TMEM132D: variants seen among roughly 807,000 people sequenced by gnomAD.
TMEM132D encodes transmembrane protein 132D.
A neutral mutation model predicts 62.3 loss-of-function variants in TMEM132D; 21 were observed. The ratio of observed to expected loss-of-function variants is 0.34; its 90% confidence interval spans 0.24 to 0.49. The LOEUF (loss-of-function observed/expected upper bound fraction) is 0.49, where lower values mean the gene tolerates loss of function less well. Among genes scored for constraint, TMEM132D ranks in the 20% least tolerant of loss-of-function variants. The pLI is 0.99. For missense variants in TMEM132D, 1,346 were observed against 1,402.8 expected, an observed-to-expected ratio of 0.96 and a Z score of 0.65; for synonymous variants, 621 against 575.6, an observed-to-expected ratio of 1.08 and a Z score of -1.13.
chr12:129,095,119 G>A (rs1269130150), intron 5 of TMEM132D, among the ~76,000 whole-genome samples: 6 of 151,566 alleles, frequency 4.0e-5, no homozygotes, highest in African/African-American at 7.3e-5. Context: ...CCAACATGGC[G>A]CATGTATACA....
At chr12:129,269,169 T>C (rs1880783443) in intron 4 of TMEM132D, among the ~76,000 whole-genome samples, 1 of 152,140 alleles carries the variant, frequency 6.6e-6, no homozygotes. Context: ...TAAAGTATAA[T>C]AAATTTCTTC....
chr12:129,720,617 C>T (rs1868788679), intron 1 of TMEM132D, among the ~76,000 whole-genome samples: 1 of 152,142 alleles, frequency 6.6e-6, no homozygotes, highest in Admixed American at 6.5e-5. Flanking sequence ...GACGTTGGCA[C>T]AATCTGGTTT....
chr12:129,412,182 C>T (rs1156483579), intron 3 of TMEM132D, among the ~76,000 whole-genome samples: 1 of 151,972 alleles, frequency 6.6e-6, no homozygotes, highest in Non-Finnish European at 1.5e-5. Flanking sequence ...ATTGCTTGTG[C>T]AGAGTCCAGA....
intron 3 of TMEM132D, among the ~76,000 whole-genome samples, chr12:129,394,928 A>C (rs1223460667): frequency 6.6e-6 from 1 of 152,158 alleles, no homozygotes; most frequent in South Asian, 2.1e-4. Flanking sequence ...CTCTGTAAAC[A>C]CACGAACAGT....
At chr12:129,204,301 G>A (rs1379746637) in intron 5 of TMEM132D, among the ~76,000 whole-genome samples, 1 of 152,052 alleles carries the variant, frequency 6.6e-6, no homozygotes, top group Non-Finnish European at 1.5e-5. Context: ...AAATGATAAA[G>A]GAACAAAGTA....
At chr12:129,657,361 C>A (rs968752377) in intron 2 of TMEM132D, among the ~76,000 whole-genome samples, 4 of 151,880 alleles carry the variant, frequency 2.6e-5, no homozygotes, top group African/African-American at 9.7e-5. Flanking sequence ...ACATTTCCAC[C>A]GTCAACTGGT....
intron 3 of TMEM132D, among the ~76,000 whole-genome samples, chr12:129,404,930 T>C (rs1871736067): frequency 6.6e-6 from 1 of 152,194 alleles, no homozygotes; most frequent in African/African-American, 2.4e-5. Context: ...GATCATTTAT[T>C]TTTTTAATAT....
chr12:129,445,919 G>A (rs907977497), intron 3 of TMEM132D, among the ~76,000 whole-genome samples: 5 of 152,118 alleles, frequency 3.3e-5, no homozygotes, highest in South Asian at 2.1e-4. Flanking sequence ...CTGTGATGCC[G>A]GTGCAGCAAA....
At chr12:129,611,184 A>G (rs1350520118) in intron 2 of TMEM132D, among the ~76,000 whole-genome samples, 2 of 152,166 alleles carry the variant, frequency 1.3e-5, no homozygotes, top group South Asian at 2.1e-4. Flanking sequence ...CTCTCCACAT[A>G]GTTTAATACT....
At chr12:129,758,337 T>C (rs1870238991) in intron 1 of TMEM132D, among the ~76,000 whole-genome samples, 2 of 152,240 alleles carry the variant, frequency 1.3e-5, no homozygotes, top group African/African-American at 4.8e-5. Flanking sequence ...TTATTCTTTA[T>C]GATTCCACTT....
intron 4 of TMEM132D, among the ~76,000 whole-genome samples, chr12:129,330,057 A>G (rs1869053970): frequency 6.6e-6 from 1 of 152,230 alleles, no homozygotes; most frequent in Non-Finnish European, 1.5e-5. Context: ...AGATTTAAAG[A>G]ACATGCCTTA....
At chr12:129,570,362 A>G (rs527768206) in intron 2 of TMEM132D, among the ~76,000 whole-genome samples, 2 of 152,320 alleles carry the variant, frequency 1.3e-5, no homozygotes, top group African/African-American at 4.8e-5. Context: ...ATCTACCTTC[A>G]TGTAGTTTCA....
chr12:129,887,229 C>G (rs1874778441), intron 1 of TMEM132D, among the ~76,000 whole-genome samples: 1 of 152,124 alleles, frequency 6.6e-6, no homozygotes, highest in South Asian at 2.1e-4. Context: ...ACCGCCCGCC[C>G]CTCCCTGTCT....
At chr12:129,144,952 T>A (rs547838729) in intron 5 of TMEM132D, among the ~76,000 whole-genome samples, 1 of 150,944 alleles carries the variant, frequency 6.6e-6, no homozygotes, top group South Asian at 2.1e-4. Context: ...CTATCTAAAG[T>A]GATCGTTCTT....
chr12:129,185,098 C>T (rs1718159369), intron 5 of TMEM132D, among the ~76,000 whole-genome samples: 1 of 152,152 alleles, frequency 6.6e-6, no homozygotes, highest in South Asian at 2.1e-4. Context: ...CCAGAATATT[C>T]TCTGAATTAA....
intron 4 of TMEM132D, among the ~76,000 whole-genome samples, chr12:129,223,408 G>GATACA (rs1879400064): frequency 1.3e-5 from 2 of 152,146 alleles, no homozygotes; most frequent in Non-Finnish European, 2.9e-5. Context: ...CAGGTGATCT[G>GATACA]GTCAATAGCC....
At chr12:129,848,751 G>A (rs544790562) in intron 1 of TMEM132D, among the ~76,000 whole-genome samples, 2 of 152,246 alleles carry the variant, frequency 1.3e-5, no homozygotes, top group South Asian at 4.1e-4. Context: ...TTCTCCCAAA[G>A]ATTGATTCTT....
intron 2 of TMEM132D, among the ~76,000 whole-genome samples, chr12:129,569,937 C>T (rs1877465515): frequency 6.6e-6 from 1 of 152,168 alleles, no homozygotes; most frequent in African/African-American, 2.4e-5. Flanking sequence ...AACTCTAAGT[C>T]CCTGCAGAAC....
chr12:129,251,544 C>G (rs1036102272), intron 4 of TMEM132D, among the ~76,000 whole-genome samples: 2 of 152,032 alleles, frequency 1.3e-5, no homozygotes, highest in Non-Finnish European at 2.9e-5. Context: ...ATACTAAGCC[C>G]CTAAACTTTA....
Sources: gnomAD v4.1 joint callset for allele counts (sites outside exome capture counted in the v4.1 genomes callset) on GRCh38, gnomAD v4.1.1 for gene constraint, MANE v1.5 for transcripts, NCBI Gene and HGNC (gene_info 2026-07-23, HGNC 2026-07-21) for gene names.